NT5E: variants seen among roughly 807,000 people sequenced by gnomAD.
NT5E encodes the protein 5'-nucleotidase.
In NT5E, 53 loss-of-function variants were observed where a neutral mutation model predicts 55.1. The ratio of observed to expected loss-of-function variants is 0.96; its 90% CI spans 0.77 to 1.21. NT5E has a LOEUF of 1.21. Ranked by LOEUF, NT5E falls within the 50% of genes most tolerant of loss-of-function variation. NT5E has a pLI of 0.00. For missense variants in NT5E, 683 were observed against 724.3 expected (o/e 0.94, Z 0.65); for synonymous variants, 270 against 278.4 (o/e 0.97, Z 0.30).
rs555140286 is a variant in NT5E at position 85,473,304 on chromosome 6, A to ATCACT, written c.751+1879_751+1880insTCACT. Among the ~76,000 whole-genome samples, 181 of 152,280 alleles carry ATCACT rather than the reference A, an allele frequency of 1.2e-3. 1 individual carries two copies. Among genetic ancestry groups the ATCACT allele is most frequent in the African/African-American group, 4.0e-3 (168 of 41,554 alleles). ...GGTGATAACAACAGTACCTATTATA[A>ATCACT]GGGGTCACTGTGATTTAATATGTGT... On this transcript the variant is annotated intron_variant, in intron 3 of 8. Transcript: ENST00000257770.
intron 1 of NT5E, among the ~76,000 whole-genome samples, chr6:85,462,016 G>T (rs1371801769): frequency 6.6e-6 from 1 of 152,110 alleles, no homozygotes; most frequent in African/African-American, 2.4e-5. Flanking sequence ...CGGAGGAGCA[G>T]TGAAACACCA....
chr6:85,474,511 T>G (rs1482421128), intron 3 of NT5E, among the ~76,000 whole-genome samples: 1 of 152,216 alleles, frequency 6.6e-6, no homozygotes, highest in East Asian at 1.9e-4. Flanking sequence ...TTACAGTCTC[T>G]GAGAAAACTG....
intron 1 of NT5E, among the ~76,000 whole-genome samples, chr6:85,459,767 G>T (rs1045354823): frequency 6.6e-6 from 1 of 152,186 alleles, no homozygotes; most frequent in Admixed American, 6.5e-5. Flanking sequence ...CCTTCTGGGG[G>T]TATTTGTCAA....
At chr6:85,480,543 A>C (rs1220482640) in intron 3 of NT5E, among the ~76,000 whole-genome samples, 1 of 152,170 alleles carries the variant, frequency 6.6e-6, no homozygotes, top group Non-Finnish European at 1.5e-5. Flanking sequence ...CTCCTAGACT[A>C]GCAGAAGCAG....
intron 1 of NT5E, among the ~76,000 whole-genome samples, chr6:85,463,655 T>G (rs1450096045): frequency 6.6e-6 from 1 of 152,192 alleles, no homozygotes; most frequent in Admixed American, 6.5e-5. Context: ...CTGAGATGTT[T>G]TCATGTTATT....
intron 1 of NT5E, among the ~76,000 whole-genome samples, chr6:85,461,113 G>A (rs2127755092): frequency 6.6e-6 from 1 of 152,260 alleles, no homozygotes; most frequent in Non-Finnish European, 1.5e-5. Context: ...TCTAACACAG[G>A]AGAAATCTTT....
At chr6:85,454,084 C>A (rs1289986392) in intron 1 of NT5E, among the ~76,000 whole-genome samples, 1 of 152,116 alleles carries the variant, frequency 6.6e-6, no homozygotes, top group African/African-American at 2.4e-5. Context: ...GTGTATTTTA[C>A]CCATCTCCAC....
intron 3 of NT5E, among the ~76,000 whole-genome samples, chr6:85,482,419 G>A (rs1045556071): frequency 1.3e-5 from 2 of 151,622 alleles, no homozygotes; most frequent in Non-Finnish European, 2.9e-5. Context: ...GAAGGTGGAA[G>A]AAAGAAAAAA....
At chr6:85,478,662 T>A (rs1769483375) in intron 3 of NT5E, among the ~76,000 whole-genome samples, 1 of 151,982 alleles carries the variant, frequency 6.6e-6, no homozygotes, top group East Asian at 1.9e-4. Context: ...TTGTGGAGAT[T>A]AAGTGAGATA....
intron 1 of NT5E, among the ~76,000 whole-genome samples, chr6:85,454,589 A>G (rs1348816737): frequency 2.0e-5 from 3 of 152,218 alleles, no homozygotes; most frequent in African/African-American, 7.2e-5. Context: ...CATTGCAAAT[A>G]TATTATGATG....
intron 2 of NT5E, among the ~76,000 whole-genome samples, chr6:85,469,719 G>T (rs758558616): frequency 3.9e-5 from 6 of 152,182 alleles, no homozygotes; most frequent in Admixed American, 2.0e-4. Context: ...TACAACTCTT[G>T]ATTTTTCAAC....
In NT5E at chr6:85,488,880, C is replaced by T. The variant is rs1185820098; in HGVS notation, c.1105-614C>T. Reference sequence around the variant, plus strand: ...TACAGGTGTGAGCCACTATGCCTGGCCTTTTTTTTTTTTTTTTTTCGGCTT... The same window carrying T: ...TACAGGTGTGAGCCACTATGCCTGGTCTTTTTTTTTTTTTTTTTTCGGCTT... On this transcript the variant is annotated intron_variant, in intron 5 of 8. Coordinates refer to ENST00000257770, the MANE Select transcript of NT5E (RefSeq NM_002526.4). 4.4e-5 allele frequency among the ~76,000 whole-genome samples: 6 copies of T among 135,334 alleles called. 1 individual carries two copies. Among genetic ancestry groups the T allele is most frequent in the Admixed American group, 3.6e-4 (5 of 13,920 alleles). The allele number at this position is 135,334 out of a possible 152,430, so 88.8% of individuals were successfully genotyped here. A position where few individuals can be genotyped will look rare whatever the true frequency, so the allele number is the denominator to read the frequency against.
At chr6:85,451,097 A>C (rs1006843623) in intron 1 of NT5E, among the ~76,000 whole-genome samples, 1 of 152,216 alleles carries the variant, frequency 6.6e-6, no homozygotes, top group Non-Finnish European at 1.5e-5. Flanking sequence ...TCTATCCTGT[A>C]TAAAAATAAG....
At chr6:85,455,510 G>A (rs956420530) in intron 1 of NT5E, among the ~76,000 whole-genome samples, 3 of 152,214 alleles carry the variant, frequency 2.0e-5, no homozygotes, top group African/African-American at 7.2e-5. Flanking sequence ...TGAAAGCTCC[G>A]CATTGCCCCC....
At position 85,450,127 on chromosome 6, in the gene NT5E, A is replaced by T. The variant is rs1371671630; in HGVS notation, c.-13A>T. 1 of 1,554,658 alleles carries T rather than the reference A, an allele frequency of 6.4e-7. No homozygotes were observed. The highest frequency in any genetic ancestry group is 8.7e-7 in the Non-Finnish European group (1 of 1,154,400). ...GCTCGCCCGCTTTCGCACCCAGTTC[A>T]CGCGCCACAGCTATGTGTCCCCGAG... On this transcript the variant is annotated 5_prime_UTR_variant, in exon 1 of 9. Transcript: ENST00000257770. This position sits in a 1 kb window ranked among gnomAD's most constrained non-coding sequence, Gnocchi z 4.0.
At chr6:85,464,027 G>A in intron 1 of NT5E, among the ~76,000 whole-genome samples, 1 of 149,958 alleles carries the variant, frequency 6.7e-6, no homozygotes, top group East Asian at 1.9e-4. Flanking sequence ...CTTGCACTGT[G>A]GTAGTGCAAG....
Position 85,452,658 on chromosome 6 carries a change from A to G in NT5E, c.339+2180A>G, listed in dbSNP as rs146077301. ...CTCTGTGCAGTTTGGGGGTGTGTCA[A>G]ACATGATTTGACGTGCATAAAATCC... On this transcript the variant is annotated intron_variant, in intron 1 of 8. Transcript: ENST00000257770. Among the ~76,000 whole-genome samples, 6 of 152,292 alleles carry G rather than the reference A, an allele frequency of 3.9e-5. No individual in the cohort carries two copies. In the East Asian group the frequency reaches 1.2e-3, roughly 29 times the overall value.
chr6:85,460,298 G>A (rs1769068776), intron 1 of NT5E, among the ~76,000 whole-genome samples: 1 of 152,132 alleles, frequency 6.6e-6, no homozygotes, highest in African/African-American at 2.4e-5. Context: ...CTTTCCCACT[G>A]TGTTTGGACT....
At chr6:85,464,286 A>G (rs949893933) in intron 1 of NT5E, among the ~76,000 whole-genome samples, 3 of 152,132 alleles carry the variant, frequency 2.0e-5, no homozygotes, top group Non-Finnish European at 2.9e-5. Flanking sequence ...TACCACCCTC[A>G]CAGCATGAAA....
Sources: gnomAD v4.1 joint callset for allele counts (sites outside exome capture counted in the v4.1 genomes callset) on GRCh38, gnomAD v4.1.1 for gene constraint, Gnocchi (gnomAD v3.1) non-coding constraint, MANE v1.5 for transcripts, NCBI Gene and HGNC (gene_info 2026-07-23, HGNC 2026-07-21) for gene names.